The following SLC39A12 variants were observed in gnomAD, a reference collection of about 807,000 sequenced individuals.
SLC39A12 encodes solute carrier family 39 member 12, also known as zinc transporter ZIP12.
SLC39A12 carries 63 observed loss-of-function variants against 71.1 expected under a neutral mutation model. The ratio of observed to expected loss-of-function variants is 0.89; its 90% CI spans 0.72 to 1.09. SLC39A12 has a LOEUF of 1.09. Ranked by LOEUF, SLC39A12 falls within the 50% of genes least tolerant of loss-of-function variation. The probability of loss-of-function intolerance (pLI) is 0.00; values close to 1 mark genes in which losing one functional copy is unlikely to be tolerated. For missense variants in SLC39A12, 892 were observed against 812.6 expected (o/e 1.10, Z -1.19); for synonymous variants, 351 against 301.3 (o/e 1.16, Z -1.71).
chr10:17,978,398 T>C (rs943330), intron 5 of SLC39A12, among the ~76,000 whole-genome samples: 25,999 of 152,114 alleles, frequency 0.17, 2,414 homozygotes, highest in African/African-American at 0.22. Context: ...AGAGATACAA[T>C]GTTGAACAAA....
chr10:17,952,226 C>G (rs895930291), intron 1 of SLC39A12, among the ~76,000 whole-genome samples: 6 of 152,106 alleles, frequency 3.9e-5, no homozygotes, highest in African/African-American at 1.4e-4. Context: ...TGCCTTAAGC[C>G]ATCAACAGAA....
In SLC39A12 at chr10:17,971,928, G is replaced by T. The variant is rs544992060; in HGVS notation, c.752-5974G>T. Reference sequence around the variant, plus strand: ...GTTCTTTAAGATGCATTGTTAGATTGTTAATTTGAAATCTCCTCTTTTTCG... The same window carrying T: ...GTTCTTTAAGATGCATTGTTAGATTTTTAATTTGAAATCTCCTCTTTTTCG... On this transcript the variant is annotated intron_variant, in intron 4 of 12. Coordinates refer to ENST00000377369, the MANE Select transcript of SLC39A12 (RefSeq NM_001145195.2). 7.2e-5 allele frequency among the ~76,000 whole-genome samples: 11 copies of T among 152,152 alleles called. No individual in the cohort carries two copies. In the East Asian group the frequency reaches 1.9e-3, roughly 27 times the overall value.
intron 3 of SLC39A12, among the ~76,000 whole-genome samples, chr10:17,963,447 T>C (rs1164716168): frequency 6.6e-6 from 1 of 152,210 alleles, no homozygotes; most frequent in Non-Finnish European, 1.5e-5. Flanking sequence ...ATTTCTGAGA[T>C]AAAGCAGCCC....
At chr10:17,987,294 C>T (rs1835422867) in intron 6 of SLC39A12, among the ~76,000 whole-genome samples, 185 bp from the exon 7 acceptor site, 1 of 152,148 alleles carries the variant, frequency 6.6e-6, no homozygotes, top group South Asian at 2.1e-4. Flanking sequence ...ATGATAGTGC[C>T]ACTACATTCC....
intron 6 of SLC39A12, 114 bp downstream of exon 6, chr10:17,981,597 CAG>C: frequency 1.2e-6 from 1 of 821,368 alleles, no homozygotes; most frequent in Non-Finnish European, 1.8e-6. Context: ...TTACATTTAT[CAG>C]CTCATTTAAT....
At chr10:18,007,008 A>C (rs1836042842) in intron 12 of SLC39A12, 2 of 151,782 alleles carry the variant, frequency 1.3e-5, no homozygotes, top group African/African-American at 4.8e-5. Context: ...GGCCCCTTCC[A>C]CTCCTCAAAT....
At chr10:18,007,748 GTGTAGCAGTGAGGA>G (rs1384700802) in intron 12 of SLC39A12, among the ~76,000 whole-genome samples, 1 of 152,196 alleles carries the variant, frequency 6.6e-6, no homozygotes, top group Non-Finnish European at 1.5e-5. Context: ...ACTGGTGGGA[GTGTAGCAGTGAGGA>G]TGACCAGAGG....
At chr10:17,986,624 C>G (rs536018760) in intron 6 of SLC39A12, among the ~76,000 whole-genome samples, 2 of 152,336 alleles carry the variant, frequency 1.3e-5, no homozygotes, top group Admixed American at 1.3e-4. Context: ...TAGGTTTCAA[C>G]ATGTGAATTT....
chr10:17,987,700 A>C, intron 7 of SLC39A12, 49 bp downstream of exon 7: 1 of 1,591,902 alleles, frequency 6.3e-7, no homozygotes, highest in African/African-American at 1.3e-5. Context: ...ATTGCTCTTC[A>C]CTTTTAACCA....
chr10:18,043,065 T>A lies in SLC39A12; in HGVS notation c.*232T>A, dbSNP rs1049055485. ...TTGGTTTCCAACACCATGATGAAGC[T>A]CTTGCTTTTTAAAAAGTAGTTAGTA... On this transcript the variant is annotated 3_prime_UTR_variant, in exon 13 of 13. Transcript: ENST00000377369. 31 of 239,296 alleles carry A rather than the reference T, an allele frequency of 1.3e-4. No homozygotes were observed. The highest frequency in any genetic ancestry group is 6.8e-4 in the African/African-American group (30 of 44,432). 14.8% of individuals were successfully genotyped at this position (239,296 alleles called of 1,614,324 possible). A position where few individuals can be genotyped will look rare whatever the true frequency, so the allele number is the denominator to read the frequency against.
intron 8 of SLC39A12, among the ~76,000 whole-genome samples, 157 bp from the exon 9 acceptor site, chr10:17,993,024 A>G (rs933619554): frequency 3.3e-5 from 5 of 152,226 alleles, no homozygotes; most frequent in Non-Finnish European, 7.3e-5. Flanking sequence ...ATCACTAGAC[A>G]TTTTTGAAGT....
intron 4 of SLC39A12, among the ~76,000 whole-genome samples, chr10:17,968,499 C>G (rs1393034741): frequency 2.0e-5 from 3 of 152,114 alleles, no homozygotes; most frequent in Non-Finnish European, 4.4e-5. Context: ...TCTTTTCAGC[C>G]TAAAGAACTT....
At chr10:18,041,633 GTATATATA>G (rs764325487) in intron 12 of SLC39A12, among the ~76,000 whole-genome samples, 1 of 102,016 alleles carries the variant, frequency 9.8e-6, no homozygotes, top group African/African-American at 3.6e-5. Flanking sequence ...GTATATATGT[GTATATATA>G]TGTATATACA....
At chr10:17,960,759 G>A (rs782071581) in intron 2 of SLC39A12, among the ~76,000 whole-genome samples, 9 of 152,144 alleles carry the variant, frequency 5.9e-5, no homozygotes, top group African/African-American at 1.4e-4. Flanking sequence ...CACTTGATTC[G>A]TGGCTCATCC....
At chr10:17,984,822 A>G (rs146611433) in intron 6 of SLC39A12, among the ~76,000 whole-genome samples, 122 of 152,356 alleles carry the variant, frequency 8.0e-4, no homozygotes, top group African/African-American at 2.7e-3. Flanking sequence ...ATACCCATAG[A>G]AGAACAACTC....
At chr10:17,992,054 A>G (rs894822004) in intron 8 of SLC39A12, among the ~76,000 whole-genome samples, 5 of 140,418 alleles carry the variant, frequency 3.6e-5, no homozygotes, top group Non-Finnish European at 6.0e-5. Context: ...GCGCCACTAC[A>G]CTCCAGCCTG....
rs191901190 is a variant in SLC39A12, at chr10:17,995,617, T to C, written c.1534-39T>C. The C allele has an allele frequency of 7.0e-6, 11 of 1,571,418 alleles. No homozygotes were observed. The East Asian group carries it at 2.0e-4, about 29-fold the overall frequency. On this transcript the variant is annotated intron_variant, in intron 9 of 12. Coordinates refer to ENST00000377369, the MANE Select transcript of SLC39A12 (RefSeq NM_001145195.2). ...TCATTTTTCAACAAAATGATGGCCA[T>C]TACTTATCTTTCATCAGTTATTTTT... is the stretch of plus-strand genomic sequence containing the variant.
At chr10:17,993,333 T>C in intron 9 of SLC39A12, 42 bp downstream of exon 9, 2 of 1,284,308 alleles carry the variant, frequency 1.6e-6, no homozygotes, top group Non-Finnish European at 2.2e-6. Context: ...CTGATTACCT[T>C]CTCTCCTTTA....
At chr10:17,963,141 A>G (rs1434845626) in intron 3 of SLC39A12, among the ~76,000 whole-genome samples, 1 of 152,284 alleles carries the variant, frequency 6.6e-6, no homozygotes, top group South Asian at 2.1e-4. Context: ...ACCCTGGGCA[A>G]CAGAAAGAGA....
Sources: gnomAD v4.1 joint callset for allele counts (sites outside exome capture counted in the v4.1 genomes callset) on GRCh38, gnomAD v4.1.1 for gene constraint, MANE v1.5 for transcripts, NCBI Gene and HGNC (gene_info 2026-07-23, HGNC 2026-07-21) for gene names.